Variants in NTM observed in about 807,000 individuals in gnomAD.
The protein encoded by NTM is IgLON family member 2.
A neutral mutation model predicts 42.1 loss-of-function variants in NTM; 13 were observed. The observed-to-expected ratio is 0.31, with a 90% CI of 0.20 to 0.49. The LOEUF is 0.49. Ranked by LOEUF, NTM falls within the 20% of genes least tolerant of loss-of-function variation. The probability of loss-of-function intolerance (pLI) is 0.99; values close to 1 mark genes in which losing one functional copy is unlikely to be tolerated. For synonymous variants in NTM, 187 were observed against 179.2 expected (o/e 1.04, Z -0.35); for missense variants, 373 against 452.8 (o/e 0.82, Z 1.60).
chr11:131,491,808 G>A (rs573731343), intron 1 of NTM, among the ~76,000 whole-genome samples: 12 of 152,312 alleles, frequency 7.9e-5, no homozygotes, highest in Admixed American at 2.0e-4. Flanking sequence ...AGACACATAT[G>A]GGAATGGTAA....
rs144122294 is a variant in NTM at position 131,481,430 on chromosome 11, A to G, written c.82+110542A>G. ...GACTGACCCCAGTTTGGGAAGACGC[A>G]AGGCCTGTGAAGTGTGGAGGGTACT... On this transcript the variant is annotated intron_variant, in intron 1 of 8. Transcript: ENST00000683400. Among the ~76,000 whole-genome samples the G allele has an allele frequency of 4.1e-3, 617 of 152,280 alleles. 3 individuals are homozygous for G. Among genetic ancestry groups the G allele is most frequent in the African/African-American group, 0.014 (562 of 41,558 alleles).
chr11:131,411,969 C>T (rs1000090301), intron 1 of NTM, among the ~76,000 whole-genome samples: 2 of 152,138 alleles, frequency 1.3e-5, no homozygotes, highest in African/African-American at 4.8e-5. Flanking sequence ...CATAGCTGGG[C>T]CCCTCTGTTC....
chr11:131,712,611 T>C (rs994416181), intron 1 of NTM, among the ~76,000 whole-genome samples: 1 of 151,600 alleles, frequency 6.6e-6, no homozygotes, highest in Non-Finnish European at 1.5e-5. Context: ...TAGAGACAAG[T>C]GATTTTTTTT....
intron 1 of NTM, among the ~76,000 whole-genome samples, chr11:131,656,080 T>C (rs1395689986): frequency 2.0e-5 from 3 of 152,180 alleles, no homozygotes; most frequent in Non-Finnish European, 4.4e-5. Flanking sequence ...CATCTGCCAT[T>C]TTCCTGGGCC....
At chr11:131,504,302 C>T (rs1324495276) in intron 1 of NTM, among the ~76,000 whole-genome samples, 1 of 152,174 alleles carries the variant, frequency 6.6e-6, no homozygotes, top group African/African-American at 2.4e-5. Flanking sequence ...GGCTCACATT[C>T]TGGAGAAAAC....
chr11:131,620,617 G>C (rs1039838035), intron 1 of NTM, among the ~76,000 whole-genome samples: 1 of 152,162 alleles, frequency 6.6e-6, no homozygotes, highest in Non-Finnish European at 1.5e-5. Context: ...CTTGGCACCT[G>C]CTGTTCCCTC....
intron 1 of NTM, chr11:131,660,576 G>A (rs1477709229): frequency 4.4e-6 from 2 of 457,582 alleles, no homozygotes; most frequent in Admixed American, 2.4e-5. Flanking sequence ...GGCTCCTCAT[G>A]CCTCGAAACC....
chr11:132,192,104 C>T (rs868118115), intron 3 of NTM, among the ~76,000 whole-genome samples: 11 of 152,026 alleles, frequency 7.2e-5, no homozygotes, highest in African/African-American at 2.7e-4. Flanking sequence ...AGGATATAGT[C>T]CAAAAAATTT....
At chr11:131,453,292 C>T (rs1950617716) in intron 1 of NTM, among the ~76,000 whole-genome samples, 1 of 152,150 alleles carries the variant, frequency 6.6e-6, no homozygotes, top group South Asian at 2.1e-4. Flanking sequence ...GAAAACTCAA[C>T]CTCTGCAACT....
At chr11:131,532,181 T>C (rs1202396258) in intron 1 of NTM, among the ~76,000 whole-genome samples, 1 of 152,202 alleles carries the variant, frequency 6.6e-6, no homozygotes, top group Non-Finnish European at 1.5e-5. Flanking sequence ...CCAGAATTTT[T>C]TTTAAATCAT....
intron 1 of NTM, among the ~76,000 whole-genome samples, chr11:131,745,978 C>G (rs976016434): frequency 6.6e-6 from 1 of 152,096 alleles, no homozygotes; most frequent in Non-Finnish European, 1.5e-5. Context: ...TCTGCTGCCC[C>G]CTTTATCACG....
chr11:131,951,886 G>C (rs2061037389), intron 2 of NTM, among the ~76,000 whole-genome samples: 1 of 146,438 alleles, frequency 6.8e-6, no homozygotes, highest in Admixed American at 6.8e-5. Context: ...GGCCACAGAA[G>C]ATGAGAGCTT....
rs971469062 is a variant in NTM, at chr11:132,330,156, T to G, written c.938T>G (p.Val313Gly). The change falls in exon 8 of 9, where the codon GTG becomes GGG. Residue 313 changes from valine to glycine, a missense_variant. Physicochemically the swap from Val to Gly is moderately radical, Grantham distance 109 (BLOSUM62 -3). Coordinates refer to ENST00000683400, the MANE Select transcript of NTM (RefSeq NM_001352005.2). ...GCTTGTTTTTAATTTCTTTTAGAAG[T>G]GAAAACTACAGCCCTGACCCCTTGG... Reference protein sequence around the residue: ...HTNASIMLFEVKTTALTPWKG... With the variant: ...HTNASIMLFEGKTTALTPWKG... The G allele has an allele frequency of 3.2e-6, 5 of 1,551,626 alleles. No homozygotes were observed. The African/African-American group carries it at 5.5e-5, about 17-fold the overall frequency.
intron 1 of NTM, among the ~76,000 whole-genome samples, chr11:131,724,412 C>A (rs2078716727): frequency 1.3e-5 from 2 of 152,180 alleles, no homozygotes; most frequent in African/African-American, 2.4e-5. Context: ...CTCAAGCGTG[C>A]TGTCTGGCCC....
At chr11:132,230,815 A>G (rs2087389278) in intron 4 of NTM, among the ~76,000 whole-genome samples, 1 of 152,216 alleles carries the variant, frequency 6.6e-6, no homozygotes, top group African/African-American at 2.4e-5. Context: ...CAAGCCCAGG[A>G]GTTCGAGACC....
chr11:131,911,524 G>A lies in NTM; in HGVS notation c.83-40G>A. On this transcript the variant is annotated intron_variant, in intron 1 of 8. Coordinates refer to ENST00000683400, the MANE Select transcript of NTM (RefSeq NM_001352005.2). ...CCTGTTCCTGCCCTGGAAGTGCCTC[G>A]TGGTCGTGTCTCTCAGGCTGCTGTT... 3 of 1,614,174 alleles carry A rather than the reference G, an allele frequency of 1.9e-6. No homozygotes were observed. The highest frequency in any genetic ancestry group is 2.5e-6 in the Non-Finnish European group (3 of 1,180,022).
At chr11:131,637,369 G>A (rs1190857829) in intron 1 of NTM, among the ~76,000 whole-genome samples, 1 of 151,844 alleles carries the variant, frequency 6.6e-6, no homozygotes, top group South Asian at 2.1e-4. Context: ...TATTGAGGGT[G>A]ATTTGGAAGT....
chr11:132,292,632 G>A (rs2094484555), intron 4 of NTM, among the ~76,000 whole-genome samples: 1 of 151,890 alleles, frequency 6.6e-6, no homozygotes, highest in African/African-American at 2.4e-5. Flanking sequence ...TCCTACAGCA[G>A]ACACAGAGGA....
intron 1 of NTM, among the ~76,000 whole-genome samples, chr11:131,642,979 G>A (rs188163807): frequency 6.0e-5 from 9 of 149,758 alleles, no homozygotes; most frequent in Non-Finnish European, 1.3e-4. Context: ...TCCCAGAATC[G>A]TTTCCAGAGG....
Sources: allele counts gnomAD v4.1 joint callset (sites outside exome capture counted in the v4.1 genomes callset), GRCh38; gene constraint gnomAD v4.1.1; transcripts MANE v1.5; gene names NCBI Gene and HGNC (gene_info 2026-07-23, HGNC 2026-07-21).